GALNT13: variants seen among roughly 807,000 people sequenced by gnomAD.
GALNT13 encodes polypeptide N-acetylgalactosaminyltransferase 13, also known as UDP-GalNAc:polypeptide N-acetylgalactosaminyltransferase 13.
In GALNT13, 28 loss-of-function variants were observed where a neutral mutation model predicts 64.2. The observed-to-expected ratio is 0.44, with a 90% CI of 0.32 to 0.60. The LOEUF is 0.60. Among genes scored for constraint, GALNT13 ranks in the 20% least tolerant of loss-of-function variants. GALNT13 has a pLI of 0.05. For missense variants in GALNT13, 577 were observed against 669.8 expected (o/e 0.86, Z 1.53); for synonymous variants, 214 against 224.6 (o/e 0.95, Z 0.42).
the GALNT13 span, among the ~76,000 whole-genome samples, chr2:153,390,032 T>C: frequency 9.2e-5 from 14 of 152,216 alleles, no homozygotes; most frequent in South Asian, 4.1e-4. Context: ...TGTGACACTA[T>C]TCACAATAGC....
intron 3 of GALNT13, among the ~76,000 whole-genome samples, chr2:154,110,302 T>TGG (rs1702875285): frequency 3.3e-5 from 1 of 30,322 alleles, no homozygotes; most frequent in Admixed American, 3.4e-4. Flanking sequence ...TATATATATA[T>TGG]ATATATATAT....
chr2:154,209,775 A>C (rs1379941891), intron 4 of GALNT13, among the ~76,000 whole-genome samples: 2 of 152,148 alleles, frequency 1.3e-5, no homozygotes, highest in Admixed American at 1.3e-4. Flanking sequence ...GTAAATTGTG[A>C]TCTTTGATAT....
chr2:154,299,800 C>G (rs1574048274), intron 8 of GALNT13, among the ~76,000 whole-genome samples: 1 of 151,882 alleles, frequency 6.6e-6, no homozygotes, highest in African/African-American at 2.4e-5. Flanking sequence ...GCTTCCCTGT[C>G]TTTTAAGGGG....
At chr2:153,702,934 T>C in the GALNT13 span, among the ~76,000 whole-genome samples, 1 of 152,276 alleles carries the variant, frequency 6.6e-6, no homozygotes, top group Admixed American at 6.5e-5. Flanking sequence ...GGCACTTTCA[T>C]ATTAAGAAGC....
intron 3 of GALNT13, among the ~76,000 whole-genome samples, chr2:154,040,441 C>T (rs1574393844): frequency 7.1e-6 from 1 of 140,746 alleles, no homozygotes; most frequent in East Asian, 2.0e-4. Flanking sequence ...ATGGTAAAGA[C>T]TTTGAAATCA....
the GALNT13 span, among the ~76,000 whole-genome samples, chr2:153,530,518 C>G: frequency 2.0e-5 from 3 of 151,974 alleles, no homozygotes; most frequent in African/African-American, 7.2e-5. Context: ...GTAGAAAAAA[C>G]AATTCTAAAA....
chr2:153,554,698 A>G, the GALNT13 span, among the ~76,000 whole-genome samples: 3 of 145,130 alleles, frequency 2.1e-5, no homozygotes, highest in African/African-American at 5.1e-5. Context: ...GTACGCGCAC[A>G]TAAGTGTGCC....
At position 154,332,870 on chromosome 2, in the gene GALNT13, C is replaced by T. The variant is rs536811688; in HGVS notation, c.1156+31281C>T. On this transcript the variant is annotated intron_variant, in intron 9 of 12. Transcript: ENST00000392825. Reference sequence around the variant, plus strand: ...ATCTATCTTCTCATGTACATATTTTCACTACTTTCAGTTATCTGAATGTTT... The same window carrying T: ...ATCTATCTTCTCATGTACATATTTTTACTACTTTCAGTTATCTGAATGTTT... 8.1e-4 allele frequency among the ~76,000 whole-genome samples: 123 copies of T among 152,224 alleles called. 1 individual carries two copies. The highest frequency in any genetic ancestry group is 1.5e-3 in the Non-Finnish European group (103 of 68,000).
chr2:154,335,654 G>T (rs1174282458), intron 9 of GALNT13, among the ~76,000 whole-genome samples: 1 of 151,796 alleles, frequency 6.6e-6, no homozygotes, highest in East Asian at 1.9e-4. Flanking sequence ...AACATTTTTT[G>T]TTAGAAGTTA....
chr2:154,077,917 TAGC>T (rs1173478392), intron 3 of GALNT13, among the ~76,000 whole-genome samples: 2 of 151,444 alleles, frequency 1.3e-5, no homozygotes, highest in Non-Finnish European at 3.0e-5. Context: ...TGAATGAAAA[TAGC>T]AGTCTGCAAA....
chr2:154,237,306 CTG>C (rs1689243044), intron 4 of GALNT13, among the ~76,000 whole-genome samples: 1 of 151,600 alleles, frequency 6.6e-6, no homozygotes. Context: ...GATATAAAAA[CTG>C]AGGTGAAAAG....
chr2:153,913,121 G>T (rs1689072106), intron 2 of GALNT13, among the ~76,000 whole-genome samples: 1 of 152,208 alleles, frequency 6.6e-6, no homozygotes, highest in African/African-American at 2.4e-5. Context: ...CTCTATGCAT[G>T]TTCACACTGG....
chr2:153,177,602 A>C, the GALNT13 span, among the ~76,000 whole-genome samples: 1 of 152,084 alleles, frequency 6.6e-6, no homozygotes, highest in Non-Finnish European at 1.5e-5. Context: ...TTTAATTGTA[A>C]ATTGACAAAT....
At chr2:153,744,873 G>T in the GALNT13 span, among the ~76,000 whole-genome samples, 1 of 152,112 alleles carries the variant, frequency 6.6e-6, no homozygotes, top group African/African-American at 2.4e-5. Context: ...ATCTTCCCAG[G>T]TGAGGTGAGG....
the GALNT13 span, among the ~76,000 whole-genome samples, chr2:153,487,671 G>A: frequency 1.3e-5 from 2 of 152,196 alleles, no homozygotes; most frequent in Non-Finnish European, 2.9e-5. Context: ...CATGATACAT[G>A]AGCTGAGTCA....
chr2:153,653,730 C>A, the GALNT13 span, among the ~76,000 whole-genome samples: 292 of 152,176 alleles, frequency 1.9e-3, no homozygotes, highest in African/African-American at 6.8e-3. Context: ...GTTGCTTTAA[C>A]ATCTAATTCA....
At chr2:154,134,451 C>G (rs1333481506) in intron 3 of GALNT13, among the ~76,000 whole-genome samples, 1 of 152,072 alleles carries the variant, frequency 6.6e-6, no homozygotes, top group Non-Finnish European at 1.5e-5. Context: ...CATTAAATTT[C>G]CACTACTTTT....
chr2:153,840,996 A>AT, the GALNT13 span, among the ~76,000 whole-genome samples: 10 of 152,136 alleles, frequency 6.6e-5, no homozygotes, highest in Non-Finnish European at 1.0e-4. Flanking sequence ...GAATTCTTAG[A>AT]TTTTAAATAA....
At chr2:153,579,426 CTT>C in the GALNT13 span, among the ~76,000 whole-genome samples, 1 of 152,080 alleles carries the variant, frequency 6.6e-6, no homozygotes, top group Non-Finnish European at 1.5e-5. Context: ...AGTCATATAT[CTT>C]TTGCAGGAAC....
Sources: gnomAD v4.1 joint callset for allele counts (sites outside exome capture counted in the v4.1 genomes callset) on GRCh38, gnomAD v4.1.1 for gene constraint, MANE v1.5 for transcripts, NCBI Gene and HGNC (gene_info 2026-07-23, HGNC 2026-07-21) for gene names.